Variants in PTCHD4 observed in about 807,000 individuals in gnomAD.
PTCHD4 encodes the protein patched domain containing 4.
In PTCHD4, 33 loss-of-function variants were observed where a neutral mutation model predicts 58.1. The ratio of observed to expected loss-of-function variants is 0.57; its 90% CI spans 0.43 to 0.76. The LOEUF (loss-of-function observed/expected upper bound fraction) is 0.76, where lower values mean the gene tolerates loss of function less well. PTCHD4 is among the 30% of genes least tolerant of loss of function. The pLI is 0.00. For synonymous variants in PTCHD4, 478 were observed against 409.6 expected, an observed-to-expected ratio of 1.17 and a Z score of -2.02; for missense variants, 1,058 against 1,027.1, an observed-to-expected ratio of 1.03 and a Z score of -0.41.
chr6:48,050,958 C>A (rs1163007406), intron 3 of PTCHD4, among the ~76,000 whole-genome samples: 1 of 151,890 alleles, frequency 6.6e-6, no homozygotes, highest in Admixed American at 6.6e-5. Flanking sequence ...TTTGCTAGTA[C>A]AAAATAATCC....
intron 3 of PTCHD4, among the ~76,000 whole-genome samples, 182 bp from the exon 4 acceptor site, chr6:48,009,296 T>C (rs1468633010): frequency 2.6e-5 from 4 of 152,216 alleles, no homozygotes; most frequent in African/African-American, 9.6e-5. Context: ...GGATACCATG[T>C]ATGATGATCA....
At chr6:47,964,275 A>G in intron 4 of PTCHD4, among the ~76,000 whole-genome samples, 1 of 152,206 alleles carries the variant, frequency 6.6e-6, no homozygotes, top group East Asian at 1.9e-4. Flanking sequence ...TATTATGCAC[A>G]TAAACATTTG....
At chr6:48,064,706 C>T (rs1764739947) in intron 3 of PTCHD4, among the ~76,000 whole-genome samples, 1 of 151,974 alleles carries the variant, frequency 6.6e-6, no homozygotes, top group Non-Finnish European at 1.5e-5. Context: ...GCAAATTAAT[C>T]AATAAGTTAA....
chr6:47,911,800 G>A (rs186319844), intron 4 of PTCHD4, among the ~76,000 whole-genome samples: 156 of 152,166 alleles, frequency 1.0e-3, no homozygotes, highest in African/African-American at 3.5e-3. Context: ...AGCTAGAGAT[G>A]AATTCTGGGA....
intron 3 of PTCHD4, among the ~76,000 whole-genome samples, chr6:48,025,103 T>G (rs546150450): frequency 4.1e-4 from 62 of 152,304 alleles, no homozygotes; most frequent in African/African-American, 1.4e-3. Flanking sequence ...GCTATAGATA[T>G]TAAACATTCT....
At chr6:47,962,714 T>C (rs973438204) in intron 4 of PTCHD4, among the ~76,000 whole-genome samples, 4 of 152,156 alleles carry the variant, frequency 2.6e-5, no homozygotes, top group Admixed American at 2.0e-4. Flanking sequence ...ATTAAACCTC[T>C]TTTCTTTATA....
At chr6:47,896,873 G>A (rs988720021) in intron 4 of PTCHD4, among the ~76,000 whole-genome samples, 2 of 152,080 alleles carry the variant, frequency 1.3e-5, no homozygotes, top group Non-Finnish European at 2.9e-5. Flanking sequence ...TGGTAGACAC[G>A]ACCAAAACCC....
chr6:48,086,865 C>T (rs1321486527), intron 1 of PTCHD4, among the ~76,000 whole-genome samples: 1 of 152,202 alleles, frequency 6.6e-6, no homozygotes, highest in Non-Finnish European at 1.5e-5. Flanking sequence ...ATGTTAATAT[C>T]TGTCCTACCA....
chr6:47,891,831 G>A (rs1350683569), intron 4 of PTCHD4, among the ~76,000 whole-genome samples: 1 of 151,912 alleles, frequency 6.6e-6, no homozygotes, highest in Non-Finnish European at 1.5e-5. Flanking sequence ...TGGTCTGGCT[G>A]GAGGATGCTG....
In PTCHD4 at chr6:47,966,436, G is replaced by T. The variant is rs144949148; in HGVS notation, c.898+42198C>A. 1.4e-3 allele frequency among the ~76,000 whole-genome samples: 218 copies of T among 152,322 alleles called. 1 individual carries two copies. The highest frequency in any genetic ancestry group is 5.0e-3 in the African/African-American group (209 of 41,570). On this transcript the variant is annotated intron_variant, in intron 4 of 4. Coordinates refer to ENST00000339488, the MANE Select transcript of PTCHD4 (RefSeq NM_001384253.1). The stretch of plus-strand genomic sequence containing the variant: ...TGCTGGTGAAGGGCCTTGCCTCAAT[G>T]TTGATGGTGCTGACTGATCAGCTTG...
intron 4 of PTCHD4, among the ~76,000 whole-genome samples, chr6:47,932,805 A>G (rs1002832456): frequency 2.0e-5 from 3 of 152,250 alleles, no homozygotes; most frequent in African/African-American, 4.8e-5. Flanking sequence ...CTTCCTGGCT[A>G]TGTGCCATTG....
intron 4 of PTCHD4, among the ~76,000 whole-genome samples, chr6:47,996,731 A>G (rs1370549498): frequency 2.0e-5 from 3 of 152,226 alleles, no homozygotes; most frequent in Non-Finnish European, 4.4e-5. Context: ...TTTTAAGTGC[A>G]TGAAGCTCCA....
intron 3 of PTCHD4, among the ~76,000 whole-genome samples, chr6:48,048,227 G>A (rs1263053623): frequency 6.6e-6 from 1 of 151,802 alleles, no homozygotes; most frequent in Admixed American, 6.6e-5. Context: ...AATAGATTAT[G>A]CAATAAATAG....
chr6:47,998,784 T>C (rs1768599935), intron 4 of PTCHD4, among the ~76,000 whole-genome samples: 1 of 152,170 alleles, frequency 6.6e-6, no homozygotes, highest in Non-Finnish European at 1.5e-5. Context: ...AGTGAGACAA[T>C]GTCTCACTTC....
chr6:48,109,053 T>C (rs1040141431), intron 1 of PTCHD4, among the ~76,000 whole-genome samples: 3 of 152,086 alleles, frequency 2.0e-5, no homozygotes, highest in Admixed American at 6.6e-5. Context: ...ACAACAAAAG[T>C]GACAAAAGTG....
intron 1 of PTCHD4, among the ~76,000 whole-genome samples, chr6:48,082,553 T>G (rs543496231): frequency 6.6e-6 from 1 of 152,276 alleles, no homozygotes; most frequent in East Asian, 1.9e-4. Context: ...TGATTAAAAA[T>G]AAGACTCTTC....
At chr6:48,001,991 CA>C in intron 4 of PTCHD4, among the ~76,000 whole-genome samples, 1 of 152,248 alleles carries the variant, frequency 6.6e-6, no homozygotes, top group South Asian at 2.1e-4. Flanking sequence ...TTTATGCAGC[CA>C]AAAGACACAT....
intron 4 of PTCHD4, among the ~76,000 whole-genome samples, chr6:47,942,544 G>T (rs568544299): frequency 6.6e-6 from 1 of 152,082 alleles, no homozygotes; most frequent in African/African-American, 2.4e-5. Flanking sequence ...TGCCAAGGTC[G>T]CCCTGTTAGG....
In PTCHD4 at chr6:47,942,274, A is replaced by G. The variant is rs188417317; in HGVS notation, c.899-62338T>C. Among the ~76,000 whole-genome samples the G allele has an allele frequency of 2.6e-5, 4 of 152,358 alleles. No individual in the cohort carries two copies. The East Asian group carries it at 5.8e-4, about 22-fold the overall frequency. On this transcript the variant is annotated intron_variant, in intron 4 of 4. Transcript: ENST00000339488. ...CCTAGACAATGACACCATCACTGGC[A>G]TAAGCTTATGGTCTCAGAATAACTA...
Sources: allele counts gnomAD v4.1 joint callset (sites outside exome capture counted in the v4.1 genomes callset), GRCh38; gene constraint gnomAD v4.1.1; transcripts MANE v1.5; gene names NCBI Gene and HGNC (gene_info 2026-07-23, HGNC 2026-07-21).